The following MMP26 variants were observed in gnomAD, a reference collection of about 807,000 sequenced individuals.
MMP26 encodes the protein matrix metallopeptidase 26, also known as matrix metalloproteinase-26.
Under a neutral mutation model 31.0 loss-of-function variants are expected in MMP26, and 33 were observed. The observed-to-expected ratio is 1.06, with a 90% CI of 0.81 to 1.42. The LOEUF is 1.42. Ranked by LOEUF, MMP26 falls within the 40% of genes most tolerant of loss-of-function variation. The pLI, the probability that MMP26 is intolerant of heterozygous loss-of-function variation, is 0.00. For synonymous variants in MMP26, 122 were observed against 114.9 expected, an observed-to-expected ratio of 1.06 and a Z score of -0.40; for missense variants, 347 against 316.1, an observed-to-expected ratio of 1.10 and a Z score of -0.74.
chr11:4,705,198 CGTT>C (rs1260808216), intron 1 of MMP26, among the ~76,000 whole-genome samples, 153 bp downstream of exon 1: 2 of 152,098 alleles, frequency 1.3e-5, no homozygotes, highest in African/African-American at 4.8e-5. Flanking sequence ...TCAAAAATAT[CGTT>C]GTAGCGTTCA....
chr11:4,821,827 A>G lies in MMP26; in HGVS notation c.-145+54486A>G, dbSNP rs144249814. On this transcript the variant is annotated intron_variant, in intron 2 of 7. Transcript: ENST00000380390. ...CATCTGTTACCCACTGAGATACACTACCATCCTTACCAATGCCCGAATTGC... is the reference window on the plus strand; with the variant it reads ...CATCTGTTACCCACTGAGATACACTGCCATCCTTACCAATGCCCGAATTGC... The G allele has an allele frequency of 6.2e-4, 1,003 of 1,613,198 alleles. 11 individuals are homozygous for G. The South Asian group carries it at 0.01, about 16-fold the overall frequency.
chr11:4,874,558 G>A (rs191686571), intron 2 of MMP26, among the ~76,000 whole-genome samples: 1,815 of 122,546 alleles, frequency 0.015, 29 homozygotes, highest in African/African-American at 0.042. Context: ...TGTGTGTGTG[G>A]TGTGTTGGTG....
intron 2 of MMP26, among the ~76,000 whole-genome samples, chr11:4,982,580 A>G (rs1279583126): frequency 2.6e-5 from 4 of 152,202 alleles, no homozygotes; most frequent in South Asian, 2.1e-4. Flanking sequence ...ATGTAATTAA[A>G]TGACATAATT....
At chr11:4,718,374 T>G (rs1847964799) in intron 1 of MMP26, among the ~76,000 whole-genome samples, 1 of 152,206 alleles carries the variant, frequency 6.6e-6, no homozygotes, top group South Asian at 2.1e-4. Flanking sequence ...TCTCTTTGTT[T>G]TTGTGCAAAT....
At chr11:4,805,148 T>A (rs939007021) in intron 2 of MMP26, among the ~76,000 whole-genome samples, 2 of 152,186 alleles carry the variant, frequency 1.3e-5, no homozygotes, top group African/African-American at 4.8e-5. Context: ...CTTGGCCAAT[T>A]TCTCAGAGTA....
chr11:4,907,447 G>A, intron 2 of MMP26: 8 of 1,613,888 alleles, frequency 5.0e-6, no homozygotes, highest in Non-Finnish European at 6.8e-6. Flanking sequence ...CCCACATTTG[G>A]TTCTCCATCC....
chr11:4,900,231 A>G (rs774320294), intron 2 of MMP26, among the ~76,000 whole-genome samples: 1 of 152,190 alleles, frequency 6.6e-6, no homozygotes, highest in Non-Finnish European at 1.5e-5. Context: ...ATAATGTCCT[A>G]TGCTGGTGGA....
At chr11:4,922,558 A>G (rs766140040) in intron 2 of MMP26, among the ~76,000 whole-genome samples, 1 of 152,228 alleles carries the variant, frequency 6.6e-6, no homozygotes, top group African/African-American at 2.4e-5. Context: ...AAAGAAAAAC[A>G]GCAGTATTTG....
intron 2 of MMP26, among the ~76,000 whole-genome samples, chr11:4,854,654 A>T (rs958861375): frequency 1.1e-4 from 17 of 152,332 alleles, no homozygotes; most frequent in Admixed American, 9.1e-4. Flanking sequence ...TAGCTGAACA[A>T]AAGGCAGCAG....
At chr11:4,929,223 T>C (rs1324413507) in intron 2 of MMP26, among the ~76,000 whole-genome samples, 1 of 152,074 alleles carries the variant, frequency 6.6e-6, no homozygotes, top group East Asian at 1.9e-4. Context: ...GCACAACACA[T>C]CATTTATGGG....
At chr11:4,712,141 T>G (rs902563606) in intron 1 of MMP26, 1 of 152,174 alleles carries the variant, frequency 6.6e-6, no homozygotes, top group Admixed American at 6.5e-5. Flanking sequence ...TTAAATTTAT[T>G]TTTATATAAC....
chr11:4,914,723 T>C (rs1364811587), intron 2 of MMP26: 1 of 1,606,854 alleles, frequency 6.2e-7, no homozygotes, highest in Non-Finnish European at 8.5e-7. Context: ...ACACAGTTAG[T>C]AACAAAAGGC....
chr11:4,925,509 G>A (rs912510306), intron 2 of MMP26, among the ~76,000 whole-genome samples: 1 of 151,982 alleles, frequency 6.6e-6, no homozygotes, highest in African/African-American at 2.4e-5. Context: ...CTGGGGAGAG[G>A]GTCTAGAGGA....
intron 2 of MMP26, chr11:4,908,369 T>G: frequency 5.8e-6 from 8 of 1,377,880 alleles, no homozygotes; most frequent in Middle Eastern, 3.5e-4. Context: ...ATTTGCTATG[T>G]GCTTAATGCC....
intron 1 of MMP26, among the ~76,000 whole-genome samples, chr11:4,708,874 A>G (rs1022863179): frequency 4.6e-5 from 7 of 152,224 alleles, no homozygotes; most frequent in African/African-American, 1.7e-4. Context: ...ATCTTTTTTC[A>G]GGCAGAATAT....
intron 2 of MMP26, among the ~76,000 whole-genome samples, chr11:4,871,274 A>G (rs1850306887): frequency 2.6e-5 from 4 of 152,118 alleles, no homozygotes; most frequent in Admixed American, 2.6e-4. Flanking sequence ...AAGTATCGAC[A>G]GGGATTGTAG....
At chr11:4,863,986 T>C (rs1850200566) in intron 2 of MMP26, among the ~76,000 whole-genome samples, 1 of 152,162 alleles carries the variant, frequency 6.6e-6, no homozygotes, top group Non-Finnish European at 1.5e-5. Context: ...ATTTGAATCA[T>C]GTTTAATCAC....
chr11:4,945,447 C>T (rs1362659587), intron 2 of MMP26: 1 of 152,524 alleles, frequency 6.6e-6, no homozygotes, highest in Admixed American at 6.5e-5. Flanking sequence ...GAATATGTTC[C>T]TTATTGATTT....
At chr11:4,965,974 G>T (rs2133625904) in intron 2 of MMP26, among the ~76,000 whole-genome samples, 1 of 152,154 alleles carries the variant, frequency 6.6e-6, no homozygotes, top group South Asian at 2.1e-4. Flanking sequence ...CATCTTTAAT[G>T]GATTTTTTAT....
Sources: gnomAD v4.1 joint callset for allele counts (sites outside exome capture counted in the v4.1 genomes callset) on GRCh38, gnomAD v4.1.1 for gene constraint, MANE v1.5 for transcripts, NCBI Gene and HGNC (gene_info 2026-07-23, HGNC 2026-07-21) for gene names.